The following HIVEP3 variants were observed in gnomAD, a reference collection of about 807,000 sequenced individuals.
HIVEP3 encodes HIVEP zinc finger 3.
HIVEP3 carries 49 observed loss-of-function variants against 152.8 expected under a neutral mutation model. The ratio of observed to expected loss-of-function variants is 0.32; its 90% CI spans 0.26 to 0.41. The LOEUF is 0.41. Among genes scored for constraint, HIVEP3 ranks in the 10% least tolerant of loss-of-function variants. HIVEP3 has a pLI of 1.00. For missense variants in HIVEP3, 2,790 were observed against 3,103.3 expected (o/e 0.90, Z 2.40); for synonymous variants, 1,269 against 1,289.0 (o/e 0.98, Z 0.33).
intron 3 of HIVEP3, among the ~76,000 whole-genome samples, chr1:41,610,705 G>A (rs554076182): frequency 1.3e-5 from 2 of 152,280 alleles, no homozygotes; most frequent in South Asian, 2.1e-4. Context: ...CAGGGAGCCC[G>A]GTTTAATTCA....
rs149645054 is a variant in HIVEP3, at chr1:41,711,674, T to G, written c.-800-10679A>C. ...GTAAAAGCTGGTTCCCTTTTATGCC[T>G]TCTCCTCGTCCTTCCTGCTACCCCT... On this transcript the variant is annotated intron_variant, in intron 1 of 8. Coordinates refer to ENST00000372583, the MANE Select transcript of HIVEP3 (RefSeq NM_024503.5). Among the ~76,000 whole-genome samples, 1,321 of 152,338 alleles carry G rather than the reference T, an allele frequency of 8.7e-3. 8 individuals carry two copies. The highest frequency in any genetic ancestry group is 0.017 in the Middle Eastern group (5 of 294).
intron 1 of HIVEP3, among the ~76,000 whole-genome samples, chr1:41,707,083 G>C (rs542717525): frequency 6.6e-6 from 1 of 152,190 alleles, no homozygotes; most frequent in Non-Finnish European, 1.5e-5. Context: ...ATAAAGGCAG[G>C]GTACTCTGGT....
chr1:41,915,432 A>C (rs1373255158), intron 1 of HIVEP3, among the ~76,000 whole-genome samples: 1 of 152,194 alleles, frequency 6.6e-6, no homozygotes, highest in Non-Finnish European at 1.5e-5. Context: ...AAAGAGCTTT[A>C]ATAATCCTTG....
At chr1:41,608,327 C>T (rs889969212) in intron 3 of HIVEP3, among the ~76,000 whole-genome samples, 3 of 152,166 alleles carry the variant, frequency 2.0e-5, no homozygotes, top group Non-Finnish European at 4.4e-5. Flanking sequence ...TATACTTCAC[C>T]CTGAGACGGA....
chr1:41,790,138 C>T (rs769315233), intron 1 of HIVEP3, among the ~76,000 whole-genome samples: 18 of 152,244 alleles, frequency 1.2e-4, no homozygotes, highest in African/African-American at 7.2e-5. Context: ...CCCCAAATCT[C>T]ATGCTGAAAT....
At chr1:41,573,127 T>C (rs1644275261) in intron 5 of HIVEP3, among the ~76,000 whole-genome samples, 2 of 152,008 alleles carry the variant, frequency 1.3e-5, no homozygotes, top group African/African-American at 4.8e-5. Flanking sequence ...AGGAGTGAAA[T>C]ACATATGTTT....
intron 5 of HIVEP3, among the ~76,000 whole-genome samples, chr1:41,572,767 C>T (rs1361303611): frequency 1.3e-5 from 2 of 152,244 alleles, no homozygotes; most frequent in Admixed American, 1.3e-4. Flanking sequence ...AGCATCTACT[C>T]TTTTGTGTCT....
intron 2 of HIVEP3, among the ~76,000 whole-genome samples, chr1:41,648,914 CCTGGATCCTGCTTTAACAGTG>C (rs1365316423): frequency 6.6e-6 from 1 of 152,258 alleles, no homozygotes; most frequent in African/African-American, 2.4e-5. Context: ...TGGTATGGGT[CCTGGATCCTGCTTTAACAGTG>C]CTGCATAGTT....
intron 2 of HIVEP3, among the ~76,000 whole-genome samples, chr1:41,648,155 G>A (rs927776555): frequency 1.8e-4 from 28 of 152,266 alleles, no homozygotes; most frequent in African/African-American, 6.7e-4. Context: ...CGAATGCCCG[G>A]GCCTCACCAT....
At chr1:41,890,042 A>G (rs1166431123) in intron 1 of HIVEP3, among the ~76,000 whole-genome samples, 1 of 152,250 alleles carries the variant, frequency 6.6e-6, no homozygotes, top group Admixed American at 6.5e-5. Flanking sequence ...CCTGGTTCAA[A>G]TCCTGGCTCG....
chr1:41,518,425 A>G lies in HIVEP3; in HGVS notation c.5447T>C (p.Leu1816Pro), dbSNP rs1245457410. Residue 1816 changes from leucine to proline, a missense_variant, in exon 7 of 9, where the codon CTG (leucine) becomes CCG (proline). Physicochemically the swap from Leu to Pro is moderately conservative, Grantham distance 98. Around this residue, in one of 9 missense-constraint regions of HIVEP3, gnomAD observed 816 missense variants for 806.5 expected, o/e 1.01. Transcript: ENST00000372583. ...ACCTTCTTCGGCTTCCAGCTCCTCC[A>G]GCACCCCTGTCTCTTGGCACTTTTT... Reference protein sequence around the residue: ...HSKKCQETGVLEELEAEEGTS... With the variant: ...HSKKCQETGVPEELEAEEGTS... The G allele has an allele frequency of 1.1e-5, 18 of 1,614,066 alleles. No homozygotes were observed. The highest frequency in any genetic ancestry group is 2.7e-5 in the African/African-American group (2 of 74,942).
At chr1:41,897,739 A>C (rs1644552766) in intron 1 of HIVEP3, among the ~76,000 whole-genome samples, 1 of 152,114 alleles carries the variant, frequency 6.6e-6, no homozygotes, top group Non-Finnish European at 1.5e-5. Flanking sequence ...AGAAGCTCAA[A>C]AGTTGACCCC....
chr1:41,839,555 C>T (rs901153628), intron 1 of HIVEP3, among the ~76,000 whole-genome samples: 1 of 152,178 alleles, frequency 6.6e-6, no homozygotes, highest in Non-Finnish European at 1.5e-5. Context: ...TTCTAAGTTG[C>T]CCATAGGAGG....
intron 1 of HIVEP3, among the ~76,000 whole-genome samples, chr1:42,020,988 C>T (rs1645550053): frequency 6.6e-6 from 1 of 152,108 alleles, no homozygotes. Flanking sequence ...GAGAGAGAAG[C>T]AGAGATGATT....
At chr1:41,536,183 G>A (rs1403282770) in intron 5 of HIVEP3, among the ~76,000 whole-genome samples, 1 of 152,158 alleles carries the variant, frequency 6.6e-6, no homozygotes, top group African/African-American at 2.4e-5. Flanking sequence ...AAGCTGCTCT[G>A]CCATGCAGTG....
At chr1:41,579,518 T>C (rs1278188792) in intron 4 of HIVEP3, among the ~76,000 whole-genome samples, 1 of 152,206 alleles carries the variant, frequency 6.6e-6, no homozygotes, top group Non-Finnish European at 1.5e-5. Flanking sequence ...GCTAACTTTA[T>C]TGAAGTGTAT....
At chr1:41,698,383 G>T (rs1186084471) in intron 2 of HIVEP3, among the ~76,000 whole-genome samples, 1 of 152,114 alleles carries the variant, frequency 6.6e-6, no homozygotes, top group Non-Finnish European at 1.5e-5. Flanking sequence ...ACATCACCAG[G>T]TTTATGTCAG....
chr1:41,593,727 C>A (rs1644622813), intron 3 of HIVEP3, among the ~76,000 whole-genome samples: 1 of 152,242 alleles, frequency 6.6e-6, no homozygotes, highest in Non-Finnish European at 1.5e-5. Context: ...GTATTTGGTT[C>A]CCATTGCTGC....
chr1:41,728,412 G>A (rs1028509974), intron 1 of HIVEP3, among the ~76,000 whole-genome samples: 19 of 152,102 alleles, frequency 1.2e-4, no homozygotes, highest in Non-Finnish European at 2.6e-4. Flanking sequence ...ACGGCACCCA[G>A]GCCTGGGGCA....
Sources: gnomAD v4.1 joint callset for allele counts (sites outside exome capture counted in the v4.1 genomes callset) on GRCh38, gnomAD v4.1.1 for gene constraint, gnomAD v4.1.1 regional missense constraint, MANE v1.5 for transcripts, NCBI Gene and HGNC (gene_info 2026-07-23, HGNC 2026-07-21) for gene names.